Variants in ANKRD50 observed in about 807,000 individuals in gnomAD.
The protein encoded by ANKRD50 is ankyrin repeat domain 50, also known as ankyrin repeat domain-containing protein 50.
ANKRD50 carries 40 observed loss-of-function variants against 112.0 expected under a neutral mutation model. The observed-to-expected ratio is 0.36, with a 90% confidence interval of 0.28 to 0.46. The LOEUF (loss-of-function observed/expected upper bound fraction) is 0.46. Among genes scored for constraint, ANKRD50 ranks in the 20% least tolerant of loss-of-function variants. The pLI, the probability that ANKRD50 is intolerant of heterozygous loss-of-function variation, is 1.00. For synonymous variants in ANKRD50, 613 were observed against 619.1 expected (o/e 0.99, Z 0.15); for missense variants, 1,487 against 1,701.7 (o/e 0.87, Z 2.22).
intron 2 of ANKRD50, among the ~76,000 whole-genome samples, chr4:124,693,877 G>T (rs889884153): frequency 5.9e-5 from 9 of 152,124 alleles, no homozygotes; most frequent in African/African-American, 2.2e-4. Flanking sequence ...TTCTAAAATA[G>T]TTGGGGAGTA....
chr4:124,706,582 G>A (rs1416177885), intron 2 of ANKRD50, among the ~76,000 whole-genome samples: 1 of 152,028 alleles, frequency 6.6e-6, no homozygotes, highest in Non-Finnish European at 1.5e-5. Context: ...TCACTTCTCT[G>A]CAATTTCCCC....
intron 2 of ANKRD50, 79 bp downstream of exon 2, chr4:124,709,921 G>A: frequency 6.6e-7 from 1 of 1,522,150 alleles, no homozygotes; most frequent in Non-Finnish European, 8.8e-7. Flanking sequence ...AACCCACAAA[G>A]TTAAAACAAA....
Position 124,672,527 on chromosome 4 carries a change from T to C in ANKRD50, c.750A>G (p.Arg250=), listed in dbSNP as rs780052313. 2 of 1,581,400 alleles carry C rather than the reference T, an allele frequency of 1.3e-6. No homozygotes were observed. The highest frequency in any genetic ancestry group is 1.7e-6 in the Non-Finnish European group (2 of 1,166,458). ...TCCGAAGGTCATCTAAACTTATTTT[T>C]CGAAAACCTAAAGAAGAGATAAAAA... The part of the protein sequence containing the change: ...KAVTKMFTGF[R]KISLDDLRKA... The change falls in exon 4 of 5, where the codon CGA becomes CGG. Residue 250 remains arginine (R), a synonymous_variant. Transcript: ENST00000504087.
rs1180752735 is a variant in ANKRD50, at chr4:124,666,847, GAGA to G, written c.*668_*670del. ...TGTTCTGACATGTTTAGCCAGAGAT[GAGA>G]AGAATTCTACTGGGAAAATCCAGAT... On this transcript the variant is annotated 3_prime_UTR_variant, in exon 5 of 5. Transcript: ENST00000504087. The G allele has an allele frequency of 6.6e-6, 1 of 152,404 alleles. No individual in the cohort carries two copies. Among genetic ancestry groups the G allele is most frequent in the African/African-American group, 2.4e-5 (1 of 41,422 alleles). 9.4% of individuals were successfully genotyped at this position (152,404 alleles called of 1,614,324 possible).
At chr4:124,697,914 C>G (rs1380315244) in intron 2 of ANKRD50, among the ~76,000 whole-genome samples, 2 of 151,982 alleles carry the variant, frequency 1.3e-5, no homozygotes, top group African/African-American at 4.8e-5. Context: ...AATTTAGCAA[C>G]ATGGAGGTCT....
intron 3 of ANKRD50, among the ~76,000 whole-genome samples, chr4:124,675,563 AG>A (rs1474298685): frequency 1.3e-5 from 2 of 151,776 alleles, no homozygotes. Context: ...TCAACTAGGA[AG>A]GGGAACATAT....
chr4:124,701,057 C>T (rs542347013), intron 2 of ANKRD50, among the ~76,000 whole-genome samples: 2 of 152,178 alleles, frequency 1.3e-5, no homozygotes, highest in Non-Finnish European at 2.9e-5. Flanking sequence ...CTTCGCTTCC[C>T]GGTTCAAGCA....
At chr4:124,688,443 T>C (rs1344088082) in intron 2 of ANKRD50, among the ~76,000 whole-genome samples, 1 of 152,176 alleles carries the variant, frequency 6.6e-6, no homozygotes. Flanking sequence ...ACTAGGTGGA[T>C]CCATGACTCC....
intron 2 of ANKRD50, among the ~76,000 whole-genome samples, chr4:124,683,164 C>A (rs986546089): frequency 6.6e-6 from 1 of 151,614 alleles, no homozygotes; most frequent in Non-Finnish European, 1.5e-5. Context: ...TTTATACACA[C>A]ACAGGCAACA....
chr4:124,691,498 C>CAAAAAAA (rs71583369), intron 2 of ANKRD50, among the ~76,000 whole-genome samples: 1 of 59,762 alleles, frequency 1.7e-5, no homozygotes, highest in Non-Finnish European at 2.8e-5. Flanking sequence ...GACTCCGTCT[C>CAAAAAAA]AAAAAAAAAA....
At chr4:124,698,374 T>C (rs1450251931) in intron 2 of ANKRD50, among the ~76,000 whole-genome samples, 1 of 151,764 alleles carries the variant, frequency 6.6e-6, no homozygotes, top group Non-Finnish European at 1.5e-5. Flanking sequence ...TGTATATATA[T>C]GTTATTTATT....
chr4:124,677,502 TA>T (rs1052603970), intron 3 of ANKRD50, among the ~76,000 whole-genome samples: 4 of 151,804 alleles, frequency 2.6e-5, no homozygotes, highest in African/African-American at 4.8e-5. Flanking sequence ...TATTGTTGGC[TA>T]AAAAAAGAGA....
intron 2 of ANKRD50, among the ~76,000 whole-genome samples, chr4:124,706,172 C>T (rs1725500319): frequency 6.6e-6 from 1 of 152,002 alleles, no homozygotes; most frequent in Non-Finnish European, 1.5e-5. Context: ...TCTGTCTGTT[C>T]TATTCCCTGA....
chr4:124,689,924 T>TCG (rs1553967929), intron 2 of ANKRD50, among the ~76,000 whole-genome samples: 4 of 152,106 alleles, frequency 2.6e-5, no homozygotes, highest in Non-Finnish European at 4.4e-5. Flanking sequence ...CTTACATAAT[T>TCG]TGTTTTTTAA....
intron 2 of ANKRD50, among the ~76,000 whole-genome samples, chr4:124,707,510 T>C (rs1725533452): frequency 6.6e-6 from 1 of 152,134 alleles, no homozygotes; most frequent in Non-Finnish European, 1.5e-5. Flanking sequence ...ACAGTTGTAA[T>C]GGAAATGTGT....
In ANKRD50 at chr4:124,672,528, C is replaced by G; in HGVS notation, c.749G>C (p.Arg250Pro). ...KAVTKMFTGF[R>P]KISLDDLRKA... ...CCGAAGGTCATCTAAACTTATTTTT[C>G]GAAAACCTAAAGAAGAGATAAAAAA... The change falls in exon 4 of 5, where the codon CGA (arginine) becomes CCA (proline). Residue 250 changes from arginine to proline, a missense_variant. By Grantham distance (103) the Arg-to-Pro change is moderately radical. Transcript: ENST00000504087. 3 of 1,579,020 alleles carry G rather than the reference C, an allele frequency of 1.9e-6. No individual in the cohort carries two copies. Among genetic ancestry groups the G allele is most frequent in the Non-Finnish European group, 2.6e-6 (3 of 1,165,416 alleles).
chr4:124,690,792 A>T (rs1231507386), intron 2 of ANKRD50, among the ~76,000 whole-genome samples: 1 of 152,184 alleles, frequency 6.6e-6, no homozygotes, highest in Non-Finnish European at 1.5e-5. Flanking sequence ...GTACAATTAT[A>T]TTTCTTTAAG....
chr4:124,679,104 T>A (rs758697437), intron 2 of ANKRD50, among the ~76,000 whole-genome samples, 199 bp from the exon 3 acceptor site: 1 of 152,212 alleles, frequency 6.6e-6, no homozygotes, highest in Non-Finnish European at 1.5e-5. Context: ...AATTACAGCA[T>A]TTTGAACAAT....
chr4:124,704,821 G>A (rs778826835), intron 2 of ANKRD50, among the ~76,000 whole-genome samples: 5 of 152,184 alleles, frequency 3.3e-5, no homozygotes, highest in Non-Finnish European at 7.4e-5. Flanking sequence ...ACGGCTGGGC[G>A]CAGTGGCTCA....
Sources: gnomAD v4.1 joint callset for allele counts (sites outside exome capture counted in the v4.1 genomes callset) on GRCh38, gnomAD v4.1.1 for gene constraint, MANE v1.5 for transcripts, NCBI Gene and HGNC (gene_info 2026-07-23, HGNC 2026-07-21) for gene names.